LIMCH1: variants seen among roughly 807,000 people sequenced by gnomAD.
LIMCH1 encodes LIM and calponin homology domains 1.
Under a neutral mutation model 176.5 loss-of-function variants are expected in LIMCH1, and 113 were observed. The ratio of observed to expected loss-of-function variants is 0.64; its 90% CI spans 0.55 to 0.75. The LOEUF is 0.75. Among genes scored for constraint, LIMCH1 ranks in the 30% least tolerant of loss-of-function variants. The pLI is 0.00. For synonymous variants in LIMCH1, 619 were observed against 645.9 expected (o/e 0.96, Z 0.63); for missense variants, 1,674 against 1,814.9 (o/e 0.92, Z 1.41).
intron 1 of LIMCH1, among the ~76,000 whole-genome samples, chr4:41,563,318 T>G (rs893985711): frequency 2.6e-5 from 4 of 152,132 alleles, no homozygotes; most frequent in Non-Finnish European, 5.9e-5. Context: ...CAGTAAATGC[T>G]CAGTAAGTGC....
At chr4:41,573,195 C>A (rs2083839862) in intron 1 of LIMCH1, among the ~76,000 whole-genome samples, 1 of 152,152 alleles carries the variant, frequency 6.6e-6, no homozygotes, top group African/African-American at 2.4e-5. Context: ...TAGTCCATGT[C>A]TAATTGGCTT....
intron 1 of LIMCH1, among the ~76,000 whole-genome samples, chr4:41,416,531 G>T (rs1005915410): frequency 6.6e-6 from 1 of 151,616 alleles, no homozygotes; most frequent in South Asian, 2.1e-4. Flanking sequence ...GGTAGCGGGC[G>T]CCTGTAATCC....
chr4:41,603,503 TG>T (rs896169836), intron 2 of LIMCH1, among the ~76,000 whole-genome samples: 2 of 152,326 alleles, frequency 1.3e-5, no homozygotes, highest in African/African-American at 4.8e-5. Flanking sequence ...ATGAAGATTT[TG>T]GAAGTGCAGT....
Position 41,644,525 on chromosome 4 carries a change from T to A in LIMCH1, c.2152T>A (p.Cys718Ser). The A allele has an allele frequency of 6.3e-7, 1 of 1,587,066 alleles. No homozygotes were observed. Among genetic ancestry groups the A allele is most frequent in the Non-Finnish European group, 8.6e-7 (1 of 1,167,192 alleles). ...GAGCACCAGCATGTTTGACATGCGG[T>A]GTGAGGAGGAGGCCGCGGTGCAGCC... ...AESTSMFDMR[C>S]EEEAAVQPHS... The change falls in exon 15 of 32, where the codon TGT becomes AGT. Residue 718 changes from cysteine (C) to serine (S), a missense_variant. Cys to Ser is a moderately radical substitution (Grantham distance 112, BLOSUM62 -1). Coordinates refer to ENST00000503057, the MANE Select transcript of LIMCH1 (RefSeq NM_001330672.2).
At chr4:41,447,221 C>T (rs916057660) in intron 1 of LIMCH1, among the ~76,000 whole-genome samples, 3 of 152,106 alleles carry the variant, frequency 2.0e-5, no homozygotes, top group Admixed American at 6.6e-5. Context: ...AGTGATAGAG[C>T]GAGACCCTGT....
chr4:41,569,015 T>C (rs1291678622), intron 1 of LIMCH1, among the ~76,000 whole-genome samples: 1 of 152,202 alleles, frequency 6.6e-6, no homozygotes, highest in Non-Finnish European at 1.5e-5. Context: ...AAAAACAATT[T>C]AGTGCTTCTT....
At chr4:41,378,967 G>A (rs996559563) in intron 1 of LIMCH1, among the ~76,000 whole-genome samples, 10 of 152,112 alleles carry the variant, frequency 6.6e-5, no homozygotes, top group African/African-American at 2.4e-5. Context: ...TTGAGAGTAG[G>A]TGTAAATAGT....
intron 28 of LIMCH1, among the ~76,000 whole-genome samples, chr4:41,687,354 T>A (rs1419076733): frequency 6.6e-6 from 1 of 152,180 alleles, no homozygotes; most frequent in Non-Finnish European, 1.5e-5. Flanking sequence ...ATGAATTTGT[T>A]GATAAGGGAA....
intron 1 of LIMCH1, among the ~76,000 whole-genome samples, chr4:41,373,607 G>A (rs2054295785): frequency 6.6e-6 from 1 of 152,234 alleles, no homozygotes; most frequent in Non-Finnish European, 1.5e-5. Context: ...CATCCTATGA[G>A]CTAGCTACAA....
intron 1 of LIMCH1, among the ~76,000 whole-genome samples, chr4:41,594,244 T>C (rs1412868781): frequency 6.6e-6 from 1 of 152,254 alleles, no homozygotes; most frequent in Non-Finnish European, 1.5e-5. Flanking sequence ...ATGATGGCTT[T>C]GATTGCCAAT....
chr4:41,493,008 G>T (rs952960470), intron 1 of LIMCH1, among the ~76,000 whole-genome samples: 1 of 151,776 alleles, frequency 6.6e-6, no homozygotes, highest in Non-Finnish European at 1.5e-5. Flanking sequence ...GGTTAATCCA[G>T]CTTTCTTTTG....
In LIMCH1 at chr4:41,513,790, A is replaced by C. The variant is rs147267065; in HGVS notation, c.168-10619A>C. On this transcript the variant is annotated intron_variant, in intron 2 of 26. Transcript: ENST00000313860. ...GAGGCCAAGGCGGGCGGATCACCTG[A>C]AGTCAGGAGTTCAAGACCAGCCTGG... 2.8e-4 allele frequency among the ~76,000 whole-genome samples: 43 copies of C among 152,086 alleles called. 1 individual carries two copies. In the East Asian group the frequency reaches 8.2e-3, roughly 29 times the overall value.
intron 3 of LIMCH1, among the ~76,000 whole-genome samples, chr4:41,527,556 G>A (rs1274138661): frequency 2.0e-5 from 3 of 152,152 alleles, no homozygotes; most frequent in African/African-American, 4.8e-5. Context: ...TCCTCGGCCG[G>A]GCGTGGTGGT....
intron 3 of LIMCH1, among the ~76,000 whole-genome samples, chr4:41,526,949 C>T (rs2076724731): frequency 6.6e-6 from 1 of 152,240 alleles, no homozygotes; most frequent in South Asian, 2.1e-4. Flanking sequence ...GTTCTGCAAA[C>T]ACTCTTCACT....
At chr4:41,695,632 T>A (rs1730077190) in intron 31 of LIMCH1, among the ~76,000 whole-genome samples, 1 of 152,150 alleles carries the variant, frequency 6.6e-6, no homozygotes, top group South Asian at 2.1e-4. Context: ...GTAATAAGGG[T>A]CACCTTCTTT....
At chr4:41,473,230 T>G (rs1047439803) in intron 1 of LIMCH1, 23 of 974,200 alleles carry the variant, frequency 2.4e-5, no homozygotes, top group Admixed American at 1.2e-4. Context: ...TTTGAGATGT[T>G]AGTTCTGTTT....
intron 1 of LIMCH1, among the ~76,000 whole-genome samples, chr4:41,549,768 C>T (rs1281541745): frequency 6.6e-6 from 1 of 151,930 alleles, no homozygotes; most frequent in Non-Finnish European, 1.5e-5. Context: ...GATACTTTTG[C>T]TTTCTGTTCA....
At chr4:41,443,430 A>C (rs113060330) in intron 1 of LIMCH1, among the ~76,000 whole-genome samples, 1,782 of 152,310 alleles carry the variant, frequency 0.012, 43 homozygotes, top group African/African-American at 0.039. Flanking sequence ...AAATCAAGGA[A>C]TATTCAGATG....
intron 1 of LIMCH1, among the ~76,000 whole-genome samples, chr4:41,368,039 G>C (rs1257188178): frequency 6.6e-6 from 1 of 152,118 alleles, no homozygotes; most frequent in African/African-American, 2.4e-5. Flanking sequence ...TTATTGCAAT[G>C]AGTACATAGC....
Sources: gnomAD v4.1 joint callset for allele counts (sites outside exome capture counted in the v4.1 genomes callset) on GRCh38, gnomAD v4.1.1 for gene constraint, MANE v1.5 for transcripts, NCBI Gene and HGNC (gene_info 2026-07-23, HGNC 2026-07-21) for gene names.